GALNT14: variants seen among roughly 807,000 people sequenced by gnomAD.
GALNT14 encodes polypeptide N-acetylgalactosaminyltransferase 14, also known as UDP-GalNAc:polypeptide N-acetylgalactosaminyltransferase 14.
In GALNT14, 60 loss-of-function variants were observed where a neutral mutation model predicts 77.5. That is an observed-to-expected ratio of 0.77 (90% CI 0.63 to 0.96). GALNT14 has a LOEUF of 0.96. Ranked by LOEUF, GALNT14 falls within the 40% of genes least tolerant of loss-of-function variation. GALNT14 has a pLI of 0.00. For missense variants in GALNT14, 710 were observed against 731.0 expected (o/e 0.97, Z 0.33); for synonymous variants, 280 against 281.7 (o/e 0.99, Z 0.06).
At position 30,955,898 on chromosome 2, in the gene GALNT14, C is replaced by T. The variant is rs1558439854; in HGVS notation, c.532+14G>A. 4 of 1,613,626 alleles carry T rather than the reference C, an allele frequency of 2.5e-6. No individual in the cohort carries two copies. Among genetic ancestry groups the T allele is most frequent in the East Asian group, 2.2e-5 (1 of 44,894 alleles). On this transcript the variant is annotated intron_variant, in intron 5 of 14. Transcript: ENST00000349752. ...ACTCACACTGGAGGCTCCCGCACAA[C>T]AGCTCAGACCTACCTTGCCGTTCAT... is the stretch of plus-strand genomic sequence containing the variant.
intron 13 of GALNT14, among the ~76,000 whole-genome samples, chr2:30,920,320 T>C (rs1454529149): frequency 3.3e-5 from 5 of 152,226 alleles, no homozygotes; most frequent in Admixed American, 6.5e-5. Context: ...CAGGCTTTTA[T>C]GTCACTTCCC....
At chr2:30,989,729 A>ATTAT (rs1491567876) in intron 2 of GALNT14, among the ~76,000 whole-genome samples, 19 of 141,738 alleles carry the variant, frequency 1.3e-4, no homozygotes, top group Non-Finnish European at 2.6e-4. Flanking sequence ...ATATATATAT[A>ATTAT]TTATTTGATC....
In GALNT14 at chr2:31,090,274, G is replaced by A. The variant is rs532313277; in HGVS notation, c.129+47684C>T. ...TCTCACCTTCTAGCCAAGCTCTGAC[G>A]ATAACACTAGGTACTTCCCCCACTG... On this transcript the variant is annotated intron_variant, in intron 1 of 14. Transcript: ENST00000349752. Among the ~76,000 whole-genome samples, 4 of 152,238 alleles carry A rather than the reference G, an allele frequency of 2.6e-5. No homozygotes were observed. The South Asian group carries it at 6.2e-4, about 24-fold the overall frequency.
At chr2:30,984,943 T>C (rs1669203601) in intron 2 of GALNT14, among the ~76,000 whole-genome samples, 2 of 149,788 alleles carry the variant, frequency 1.3e-5, no homozygotes, top group African/African-American at 2.5e-5. Context: ...GGCAGGAAAT[T>C]CGTGTATTAA....
chr2:30,942,403 G>T, intron 8 of GALNT14, 99 bp from the exon 9 acceptor site: 1 of 853,788 alleles, frequency 1.2e-6, no homozygotes, highest in Non-Finnish European at 1.9e-6. Context: ...TTTCCCATTT[G>T]GGGAAAGAAA....
chr2:31,040,347 G>A (rs1326144060), intron 1 of GALNT14, among the ~76,000 whole-genome samples: 1 of 152,136 alleles, frequency 6.6e-6, no homozygotes, highest in Non-Finnish European at 1.5e-5. Context: ...AACTTGTCTG[G>A]CTAAAGGCAG....
intron 1 of GALNT14, among the ~76,000 whole-genome samples, chr2:31,017,773 C>T (rs565082185): frequency 1.3e-5 from 2 of 152,202 alleles, no homozygotes; most frequent in East Asian, 1.9e-4. Flanking sequence ...AGAAAGAGGG[C>T]GCTTGATGAA....
the GALNT14 span, among the ~76,000 whole-genome samples, chr2:30,889,100 T>C: frequency 1.3e-5 from 2 of 152,164 alleles, no homozygotes; most frequent in South Asian, 2.1e-4. Context: ...CTTTTCAGAG[T>C]TGCAGATGAT....
intron 2 of GALNT14, among the ~76,000 whole-genome samples, chr2:30,990,408 G>A (rs1669626574): frequency 6.6e-6 from 1 of 152,244 alleles, no homozygotes; most frequent in African/African-American, 2.4e-5. Flanking sequence ...TGGAATCACA[G>A]AAGGATTAAG....
intron 1 of GALNT14, among the ~76,000 whole-genome samples, chr2:31,068,438 G>T (rs1301478901): frequency 6.8e-6 from 1 of 147,358 alleles, no homozygotes; most frequent in East Asian, 2.0e-4. Flanking sequence ...AGTGAGCCCA[G>T]ATTGCGCCAC....
At chr2:30,931,966 A>G in intron 10 of GALNT14, 102 bp downstream of exon 10, 1 of 1,202,908 alleles carries the variant, frequency 8.3e-7, no homozygotes, top group Admixed American at 3.7e-5. Flanking sequence ...TCACACAGGC[A>G]GCCTAACAGA....
intron 1 of GALNT14, among the ~76,000 whole-genome samples, chr2:31,009,602 C>G (rs2148437967): frequency 6.6e-6 from 1 of 152,268 alleles, no homozygotes; most frequent in South Asian, 2.1e-4. Flanking sequence ...AAAAAAACGC[C>G]TACTGGACAT....
intron 1 of GALNT14, among the ~76,000 whole-genome samples, chr2:31,135,679 T>A (rs1679198722): frequency 6.6e-6 from 1 of 152,208 alleles, no homozygotes; most frequent in African/African-American, 2.4e-5. Flanking sequence ...CTTTTGTGAC[T>A]GCACAGTACA....
chr2:30,959,116 G>A (rs922727421), intron 3 of GALNT14, among the ~76,000 whole-genome samples: 2 of 152,032 alleles, frequency 1.3e-5, no homozygotes, highest in African/African-American at 2.4e-5. Context: ...TGCTGCTGCC[G>A]CTGCTTGAAA....
In GALNT14 at chr2:31,099,202, G is replaced by A. The variant is rs1278263936; in HGVS notation, c.129+38756C>T. 5.9e-5 allele frequency among the ~76,000 whole-genome samples: 9 copies of A among 152,124 alleles called. No individual in the cohort carries two copies. The East Asian group carries it at 1.4e-3, about 23-fold the overall frequency. ...CTATATAGCTTTGAGTTTTGATGAGGTAATGTTAAGTACATCTTTTAACAA... is the reference window on the plus strand; with the variant it reads ...CTATATAGCTTTGAGTTTTGATGAGATAATGTTAAGTACATCTTTTAACAA... On this transcript the variant is annotated intron_variant, in intron 1 of 14. Coordinates refer to ENST00000349752, the MANE Select transcript of GALNT14 (RefSeq NM_024572.4).
intron 3 of GALNT14, among the ~76,000 whole-genome samples, chr2:30,961,339 C>G (rs920772994): frequency 6.6e-6 from 1 of 152,142 alleles, no homozygotes; most frequent in African/African-American, 2.4e-5. Flanking sequence ...AGAATGAAGA[C>G]CCAAGGCCGG....
At chr2:30,903,072 C>T in the GALNT14 span, among the ~76,000 whole-genome samples, 1 of 152,290 alleles carries the variant, frequency 6.6e-6, no homozygotes, top group East Asian at 1.9e-4. Flanking sequence ...AGAGCCACAT[C>T]GTAACTATAG....
chr2:31,042,752 C>T (rs1673178994), intron 1 of GALNT14, among the ~76,000 whole-genome samples: 1 of 152,188 alleles, frequency 6.6e-6, no homozygotes, highest in African/African-American at 2.4e-5. Flanking sequence ...TCGCCACCTC[C>T]GCTGCTGCTA....
the GALNT14 span, among the ~76,000 whole-genome samples, chr2:30,889,635 G>A: frequency 7.7e-3 from 1,171 of 152,336 alleles, 28 homozygotes; most frequent in Non-Finnish European, 8.0e-3. Flanking sequence ...TGCAGGTTAT[G>A]CCAGCGAGTG....
Sources: allele counts gnomAD v4.1 joint callset (sites outside exome capture counted in the v4.1 genomes callset), GRCh38; gene constraint gnomAD v4.1.1; transcripts MANE v1.5; gene names NCBI Gene and HGNC (gene_info 2026-07-23, HGNC 2026-07-21).